The following ANKS1B variants were observed in gnomAD, a reference collection of about 807,000 sequenced individuals.
ANKS1B encodes the protein ankyrin repeat and sterile alpha motif domain containing 1B.
In ANKS1B, 36 loss-of-function variants were observed where a neutral mutation model predicts 148.3. The ratio of observed to expected loss-of-function variants is 0.24; its 90% CI spans 0.19 to 0.32. The LOEUF (loss-of-function observed/expected upper bound fraction) is 0.32, where lower values mean the gene tolerates loss of function less well. Among genes scored for constraint, ANKS1B ranks in the 10% least tolerant of loss-of-function variants. ANKS1B has a pLI of 1.00. For missense variants in ANKS1B, 1,157 were observed against 1,542.6 expected, an observed-to-expected ratio of 0.75 and a Z score of 4.19; for synonymous variants, 542 against 560.8, an observed-to-expected ratio of 0.97 and a Z score of 0.47.
intron 9 of ANKS1B, chr12:99,647,787 T>C (rs562580480): frequency 2.0e-4 from 42 of 212,902 alleles, no homozygotes; most frequent in Middle Eastern, 2.1e-3. Flanking sequence ...AGAAGAGCAG[T>C]GGGATTGCCA....
At chr12:99,516,461 C>G (rs1012551310) in intron 9 of ANKS1B, among the ~76,000 whole-genome samples, 1 of 152,010 alleles carries the variant, frequency 6.6e-6, no homozygotes, top group Non-Finnish European at 1.5e-5. Context: ...AAGCTGGAAG[C>G]CATTATCCTC....
At chr12:99,715,884 A>G (rs1365211228) in intron 8 of ANKS1B, among the ~76,000 whole-genome samples, 1 of 152,194 alleles carries the variant, frequency 6.6e-6, no homozygotes, top group Non-Finnish European at 1.5e-5. Context: ...AGAAACAAAG[A>G]AGACACATTT....
chr12:99,053,643 T>G lies in ANKS1B; in HGVS notation c.2626-334A>C, dbSNP rs538706951. Among the ~76,000 whole-genome samples, 426 of 152,336 alleles carry G rather than the reference T, an allele frequency of 2.8e-3. 1 individual carries two copies. Among genetic ancestry groups the G allele is most frequent in the Non-Finnish European group, 5.0e-3 (342 of 68,032 alleles). ...AAAAATGATGTCAGTTGAATGGCATTAAATTCGATGCGAAAGTCACCAGGA... is the reference window on the plus strand; with the variant it reads ...AAAAATGATGTCAGTTGAATGGCATGAAATTCGATGCGAAAGTCACCAGGA... On this transcript the variant is annotated intron_variant, in intron 16 of 26. Coordinates refer to ENST00000683438, the MANE Select transcript of ANKS1B (RefSeq NM_001352186.2).
At chr12:99,075,500 T>C (rs2047556860) in intron 16 of ANKS1B, among the ~76,000 whole-genome samples, 1 of 152,210 alleles carries the variant, frequency 6.6e-6, no homozygotes, top group Non-Finnish European at 1.5e-5. Context: ...ACCCTGATCA[T>C]ACTGTGTGCC....
At chr12:99,816,399 T>A (rs2069151651) in intron 2 of ANKS1B, among the ~76,000 whole-genome samples, 2 of 151,860 alleles carry the variant, frequency 1.3e-5, no homozygotes, top group Admixed American at 6.6e-5. Flanking sequence ...TAGCCCTAAT[T>A]TGCAAATATT....
chr12:99,245,835 A>G (rs2090138732), intron 13 of ANKS1B, among the ~76,000 whole-genome samples: 1 of 152,186 alleles, frequency 6.6e-6, no homozygotes, highest in Non-Finnish European at 1.5e-5. Context: ...GAGCTAGGAA[A>G]CTTTATTTAC....
chr12:99,135,206 C>A (rs1348811115), intron 15 of ANKS1B, among the ~76,000 whole-genome samples: 3 of 152,078 alleles, frequency 2.0e-5, no homozygotes, highest in Non-Finnish European at 4.4e-5. Flanking sequence ...ACATTGAAAG[C>A]AATCTCCTAG....
intron 1 of ANKS1B, among the ~76,000 whole-genome samples, chr12:99,884,146 T>A (rs1392865292): frequency 6.6e-6 from 1 of 151,972 alleles, no homozygotes; most frequent in Non-Finnish European, 1.5e-5. Flanking sequence ...TAATAGTAAA[T>A]AAGTACATGA....
At chr12:99,836,934 C>A (rs149976326) in intron 1 of ANKS1B, among the ~76,000 whole-genome samples, 1 of 152,024 alleles carries the variant, frequency 6.6e-6, no homozygotes, top group South Asian at 2.1e-4. Flanking sequence ...AATAATGGTA[C>A]CCCCAAGATG....
chr12:98,874,378 C>A (rs774984986), intron 17 of ANKS1B, among the ~76,000 whole-genome samples: 3 of 152,120 alleles, frequency 2.0e-5, no homozygotes, highest in South Asian at 2.1e-4. Flanking sequence ...GGGAGTGGAG[C>A]AGATGTGATA....
intron 1 of ANKS1B, among the ~76,000 whole-genome samples, chr12:99,983,238 C>T (rs1053601444): frequency 2.0e-5 from 3 of 152,126 alleles, no homozygotes; most frequent in African/African-American, 7.2e-5. Flanking sequence ...CTCCAGGCTT[C>T]CTCCCTCCCA....
chr12:99,214,172 G>T (rs925846748), intron 14 of ANKS1B, among the ~76,000 whole-genome samples: 3 of 152,020 alleles, frequency 2.0e-5, no homozygotes, highest in Admixed American at 1.3e-4. Flanking sequence ...CACTATATAT[G>T]ATATAAAAAT....
intron 17 of ANKS1B, among the ~76,000 whole-genome samples, chr12:98,945,367 C>T (rs2099843471): frequency 6.6e-6 from 1 of 151,790 alleles, no homozygotes; most frequent in Non-Finnish European, 1.5e-5. Context: ...TAGTGGTGTG[C>T]ACCTGTTGCC....
chr12:99,225,761 G>A (rs910661415), intron 14 of ANKS1B, among the ~76,000 whole-genome samples: 1 of 152,244 alleles, frequency 6.6e-6, no homozygotes, highest in Non-Finnish European at 1.5e-5. Flanking sequence ...TTGGGCCTTC[G>A]GCCACAGACT....
chr12:99,420,677 G>A lies in ANKS1B; in HGVS notation c.1576-20866C>T, dbSNP rs17029421. On this transcript the variant is annotated intron_variant, in intron 11 of 26. Transcript: ENST00000683438. ...GGAATATTCAAAAGGTTGATATGAA[G>A]GGGTATAAGTATATAAAGCAAGTGT... Among the ~76,000 whole-genome samples the A allele has an allele frequency of 3.1e-3, 471 of 152,176 alleles. 20 individuals carry two copies. In the East Asian group the frequency reaches 0.069, roughly 22 times the overall value.
chr12:98,915,947 T>C (rs1289650607), intron 17 of ANKS1B, among the ~76,000 whole-genome samples: 2 of 152,094 alleles, frequency 1.3e-5, no homozygotes, highest in South Asian at 2.1e-4. Context: ...CTAACAATGG[T>C]GGGCTGAGGT....
intron 12 of ANKS1B, among the ~76,000 whole-genome samples, chr12:99,301,731 A>C (rs1602594628): frequency 6.6e-6 from 1 of 152,182 alleles, no homozygotes; most frequent in Admixed American, 6.6e-5. Flanking sequence ...AAAATGAAAA[A>C]CATAACCATA....
chr12:99,072,033 T>C (rs2046443548), intron 16 of ANKS1B, among the ~76,000 whole-genome samples: 1 of 152,174 alleles, frequency 6.6e-6, no homozygotes, highest in Admixed American at 6.5e-5. Flanking sequence ...AATCTTTAAA[T>C]ACATTTCAAA....
rs140393056 is a variant in ANKS1B, at chr12:99,152,897, C to T, written c.2526+1392G>A. ...TGTCCTAAGTCTGTCCTAAATCTGC[C>T]CAGTGTTCTAAGACTTTCATAGCAA... On this transcript the variant is annotated intron_variant, in intron 15 of 26. Coordinates refer to ENST00000683438, the MANE Select transcript of ANKS1B (RefSeq NM_001352186.2). Among the ~76,000 whole-genome samples the T allele has an allele frequency of 3.3e-3, 502 of 152,084 alleles. 4 individuals are homozygous for T. Among genetic ancestry groups the T allele is most frequent in the Non-Finnish European group, 5.3e-3 (360 of 67,966 alleles).
Sources: allele counts gnomAD v4.1 joint callset (sites outside exome capture counted in the v4.1 genomes callset), GRCh38; gene constraint gnomAD v4.1.1; transcripts MANE v1.5; gene names NCBI Gene and HGNC (gene_info 2026-07-23, HGNC 2026-07-21).